Variants in MFF observed in about 807,000 individuals in gnomAD.
The protein encoded by MFF is chromosome 2 open reading frame 33.
In MFF, 12 loss-of-function variants were observed where a neutral mutation model predicts 36.9. The ratio of observed to expected loss-of-function variants is 0.33; its 90% CI spans 0.21 to 0.53. The LOEUF (loss-of-function observed/expected upper bound fraction) is 0.53, where lower values mean the gene tolerates loss of function less well. MFF is among the 20% of genes least tolerant of loss of function. The pLI is 0.95. For missense variants in MFF, 348 were observed against 366.6 expected (o/e 0.95, Z 0.42); for synonymous variants, 99 against 126.2 (o/e 0.78, Z 1.44).
chr2:227,330,565 A>G, intron 2 of MFF, 61 bp from the exon 3 acceptor site: 1 of 1,218,600 alleles, frequency 8.2e-7, no homozygotes, highest in Middle Eastern at 2.2e-4. Context: ...TTCTAACTTC[A>G]CTGCGTAGAG....
chr2:227,336,612 TCCAC>T lies in MFF; in HGVS notation c.352-3679_352-3676del, dbSNP rs1574922361. Among the ~76,000 whole-genome samples the T allele has an allele frequency of 3.9e-5, 6 of 152,320 alleles. No homozygotes were observed. In the East Asian group the frequency reaches 7.7e-4, roughly 20 times the overall value. On this transcript the variant is annotated intron_variant, in intron 4 of 8. Coordinates refer to ENST00000304593, the MANE Select transcript of MFF (RefSeq NM_001277062.2). ...ATACAGAAGCCATCAAATGGCATCC[TCCAC>T]AGGATGCCAAATTCTACAGCAGTTA...
chr2:227,347,420 G>A, intron 6 of MFF, 36 bp downstream of exon 6: 2 of 1,606,240 alleles, frequency 1.2e-6, no homozygotes, highest in Non-Finnish European at 1.7e-6. Flanking sequence ...CAGCTTTATT[G>A]CATATTTTTT....
In MFF at chr2:227,357,767, G is replaced by A. The variant is rs1026727740; in HGVS notation, c.*650G>A. On this transcript the variant is annotated 3_prime_UTR_variant, in exon 9 of 9. Coordinates refer to ENST00000304593, the MANE Select transcript of MFF (RefSeq NM_001277062.2). Reference sequence around the variant, plus strand: ...GTACGTTTTTACTCAGTTCATGCGTGAACAATTTAAAAAACGACAGAATAA... The same window carrying A: ...GTACGTTTTTACTCAGTTCATGCGTAAACAATTTAAAAAACGACAGAATAA... 1.3e-5 allele frequency: 2 copies of A among 152,094 alleles called. No homozygotes were observed. The highest frequency in any genetic ancestry group is 4.8e-5 in the African/African-American group (2 of 41,398). The allele number at this position is 152,094 out of a possible 1,614,324, so 9.4% of individuals were successfully genotyped here. A position where few individuals can be genotyped will look rare whatever the true frequency, so the allele number is the denominator to read the frequency against.
At chr2:227,335,379 A>G (rs1466532373) in intron 4 of MFF, among the ~76,000 whole-genome samples, 2 of 152,158 alleles carry the variant, frequency 1.3e-5, no homozygotes, top group East Asian at 1.9e-4. Flanking sequence ...TGACTGCTTA[A>G]TCAGTATGGG....
At chr2:227,346,083 A>G (rs1435152571) in intron 5 of MFF, 2 of 159,564 alleles carry the variant, frequency 1.3e-5, no homozygotes, top group Non-Finnish European at 2.9e-5. Flanking sequence ...ATAATATCAG[A>G]TGACTATAAC....
intron 6 of MFF, 193 bp from the exon 7 acceptor site, chr2:227,352,321 G>A (rs1181142072): frequency 1.7e-5 from 9 of 523,828 alleles, no homozygotes; most frequent in Non-Finnish European, 2.7e-5. Context: ...TAGTAATGTT[G>A]AGTTTATGAA....
Position 227,347,383 on chromosome 2 carries a change from A to G in MFF, c.598A>G (p.Arg200Gly), listed in dbSNP as rs144276627. 24 of 1,613,304 alleles carry G rather than the reference A, an allele frequency of 1.5e-5. No homozygotes were observed. Among genetic ancestry groups the G allele is most frequent in the Non-Finnish European group, 1.9e-5 (22 of 1,179,546 alleles). ...CTTGGATGTGCTGGATGAAAATCGC[A>G]GGTGATTGGCCATCCGTGACTCTTG... ...QILDVLDENR[R>G]PVLRGGSAAA... The change falls in exon 6 of 9, where the codon AGA becomes GGA. Residue 200 changes from arginine to glycine, a missense_variant and splice_region_variant. Arg to Gly is a moderately radical substitution (Grantham distance 125). Transcript: ENST00000304593.
intron 4 of MFF, among the ~76,000 whole-genome samples, chr2:227,334,945 G>C (rs1426256771): frequency 1.3e-5 from 2 of 152,150 alleles, no homozygotes; most frequent in Non-Finnish European, 2.9e-5. Context: ...GAGGTGGGCA[G>C]ATCACTTGAG....
At chr2:227,336,481 A>G (rs1341497614) in intron 4 of MFF, among the ~76,000 whole-genome samples, 1 of 152,240 alleles carries the variant, frequency 6.6e-6, no homozygotes, top group African/African-American at 2.4e-5. Context: ...ATCTGGAAAG[A>G]GCAAAATCAG....
intron 6 of MFF, chr2:227,351,708 G>C (rs1157472482): frequency 6.6e-6 from 1 of 152,302 alleles, no homozygotes; most frequent in South Asian, 2.1e-4. Flanking sequence ...GTATTGGAAA[G>C]GTTACTGCTT....
At position 227,342,909 on chromosome 2, in the gene MFF, G is replaced by A. The variant is rs6738078; in HGVS notation, c.440+2529G>A. 0.79 allele frequency: 851,154 copies of A among 1,081,756 alleles called. 337,316 individuals carry two copies. Among genetic ancestry groups the A allele is most frequent in the South Asian group, 0.85 (58,118 of 68,240 alleles). The allele number at this position is 1,081,756 out of a possible 1,614,324, so 67.0% of individuals were successfully genotyped here. On this transcript the variant is annotated intron_variant, in intron 5 of 8. Transcript: ENST00000304593. ...CTAATCTATTCACCAGGTAATTGAC[G>A]TATGCTATCCTAATTATCTTCCTGT... is the stretch of plus-strand genomic sequence containing the variant.
rs1309740226 is a variant in MFF, at chr2:227,332,395, G to T, written c.182-24G>T. The T allele has an allele frequency of 3.3e-6, 5 of 1,507,484 alleles. No homozygotes were observed. The African/African-American group carries it at 8.0e-5, about 24-fold the overall frequency. 93.4% of individuals were successfully genotyped at this position (1,507,484 alleles called of 1,614,324 possible). ...AAAACCTCCCGCTTTTCTCTTCTTTGTCTCTTTTCTTGAAAACTCCTAGGA... is the reference window on the plus strand; with the variant it reads ...AAAACCTCCCGCTTTTCTCTTCTTTTTCTCTTTTCTTGAAAACTCCTAGGA... On this transcript the variant is annotated intron_variant, in intron 3 of 8. Coordinates refer to ENST00000304593, the MANE Select transcript of MFF (RefSeq NM_001277062.2).
At chr2:227,336,431 AC>A (rs1048842607) in intron 4 of MFF, among the ~76,000 whole-genome samples, 1 of 152,198 alleles carries the variant, frequency 6.6e-6, no homozygotes, top group Non-Finnish European at 1.5e-5. Flanking sequence ...AGAGCACTGA[AC>A]CCCAGATATA....
intron 4 of MFF, among the ~76,000 whole-genome samples, chr2:227,335,584 C>G (rs1008531390): frequency 3.9e-5 from 6 of 152,172 alleles, no homozygotes; most frequent in Non-Finnish European, 7.4e-5. Flanking sequence ...AGATCACCCC[C>G]TACTGAAAAC....
At chr2:227,335,825 T>A (rs1343224705) in intron 4 of MFF, among the ~76,000 whole-genome samples, 1 of 152,200 alleles carries the variant, frequency 6.6e-6, no homozygotes, top group Non-Finnish European at 1.5e-5. Context: ...GAGAGGAAGT[T>A]GACAAACACT....
chr2:227,356,811 G>C (rs1465296075), intron 8 of MFF, among the ~76,000 whole-genome samples, 175 bp from the exon 9 acceptor site: 2 of 152,182 alleles, frequency 1.3e-5, no homozygotes, highest in Admixed American at 1.3e-4. Context: ...AAGCTGTCAT[G>C]AATGACATGT....
At chr2:227,332,166 G>T (rs2074642449) in intron 3 of MFF, among the ~76,000 whole-genome samples, 1 of 150,522 alleles carries the variant, frequency 6.6e-6, no homozygotes. Context: ...TAGAGACGGG[G>T]TTTCACCGTT....
At chr2:227,326,406 A>T (rs543643068) in intron 1 of MFF, among the ~76,000 whole-genome samples, 2 of 152,098 alleles carry the variant, frequency 1.3e-5, no homozygotes, top group Admixed American at 6.6e-5. Context: ...CCTTAGGAAA[A>T]TTAGGACGAT....
intron 4 of MFF, among the ~76,000 whole-genome samples, chr2:227,339,928 A>G (rs2075292677): frequency 6.6e-6 from 1 of 152,244 alleles, no homozygotes; most frequent in Non-Finnish European, 1.5e-5. Flanking sequence ...CATTTCCTAT[A>G]TGTGCCTGTA....
Sources: allele counts gnomAD v4.1 joint callset (sites outside exome capture counted in the v4.1 genomes callset), GRCh38; gene constraint gnomAD v4.1.1; transcripts MANE v1.5; gene names NCBI Gene and HGNC (gene_info 2026-07-23, HGNC 2026-07-21).